The following WWOX variants were observed in gnomAD, a reference collection of about 807,000 sequenced individuals.
The protein encoded by WWOX is WW domain-containing oxidoreductase.
A neutral mutation model predicts 46.2 loss-of-function variants in WWOX; 69 were observed. The ratio of observed to expected loss-of-function variants is 1.49; its 90% CI spans 1.23 to 1.82. WWOX has a LOEUF of 1.82. Among genes scored for constraint, WWOX ranks in the 40% most tolerant of loss-of-function variants. The probability of loss-of-function intolerance (pLI) is 0.00; values close to 1 mark genes in which losing one functional copy is unlikely to be tolerated. For synonymous variants in WWOX, 359 were observed against 202.6 expected, an observed-to-expected ratio of 1.77 and a Z score of -6.56; for missense variants, 919 against 542.6, an observed-to-expected ratio of 1.69 and a Z score of -6.89.
chr16:79,105,839 G>A (rs1222233353), intron 8 of WWOX: 2 of 151,942 alleles, frequency 1.3e-5, no homozygotes, highest in African/African-American at 4.8e-5. Context: ...AATTTCTTTT[G>A]TGTTGCTATT....
At chr16:78,446,487 C>T (rs540946530) in intron 8 of WWOX, among the ~76,000 whole-genome samples, 3 of 151,958 alleles carry the variant, frequency 2.0e-5, no homozygotes, top group African/African-American at 7.3e-5. Context: ...CTGTCACATC[C>T]CAGGAACTCC....
chr16:78,104,907 A>G (rs2032044355), intron 1 of WWOX, among the ~76,000 whole-genome samples: 1 of 152,216 alleles, frequency 6.6e-6, no homozygotes, highest in African/African-American at 2.4e-5. Flanking sequence ...AAACTGAGGC[A>G]TGGGATTAAA....
At chr16:78,780,615 G>T (rs1369976718) in intron 8 of WWOX, among the ~76,000 whole-genome samples, 1 of 152,154 alleles carries the variant, frequency 6.6e-6, no homozygotes, top group East Asian at 1.9e-4. Context: ...GAAAGACAGG[G>T]AAGACCATTT....
At chr16:78,617,817 T>C (rs74029596) in intron 8 of WWOX, among the ~76,000 whole-genome samples, 2,637 of 152,340 alleles carry the variant, frequency 0.017, 64 homozygotes, top group African/African-American at 0.06. Flanking sequence ...CGTTAATGTT[T>C]ATTTGAATGA....
chr16:78,817,780 C>T (rs549105491), intron 8 of WWOX, among the ~76,000 whole-genome samples: 7 of 152,276 alleles, frequency 4.6e-5, no homozygotes, highest in African/African-American at 1.4e-4. Context: ...GCCTCCTCAC[C>T]CTCTGTCTTG....
At chr16:78,555,297 G>C (rs1011602852) in intron 8 of WWOX, among the ~76,000 whole-genome samples, 1 of 151,936 alleles carries the variant, frequency 6.6e-6, no homozygotes, top group Admixed American at 6.6e-5. Flanking sequence ...CAAACTGAAA[G>C]GGAAAGGTAC....
chr16:78,784,136 T>A (rs1485702405), intron 8 of WWOX, among the ~76,000 whole-genome samples: 2 of 152,198 alleles, frequency 1.3e-5, no homozygotes, highest in Admixed American at 6.5e-5. Flanking sequence ...CAAATTCTTA[T>A]AACAACCCTA....
At chr16:79,139,441 C>T (rs1293939310) in intron 8 of WWOX, among the ~76,000 whole-genome samples, 1 of 152,098 alleles carries the variant, frequency 6.6e-6, no homozygotes, top group Non-Finnish European at 1.5e-5. Context: ...CATCTAGTGC[C>T]AGAGAGCTGC....
At chr16:79,094,987 G>A (rs555360629) in intron 8 of WWOX, among the ~76,000 whole-genome samples, 16 of 152,068 alleles carry the variant, frequency 1.1e-4, no homozygotes, top group Admixed American at 5.2e-4. Context: ...CACACAGGAG[G>A]GGCGACATGG....
chr16:78,765,826 C>T (rs759776549), intron 8 of WWOX, among the ~76,000 whole-genome samples: 1 of 152,166 alleles, frequency 6.6e-6, no homozygotes, highest in Non-Finnish European at 1.5e-5. Flanking sequence ...TCTGTCCTGC[C>T]CTGGGATGGT....
chr16:78,561,579 C>T lies in WWOX; in HGVS notation c.1056+128827C>T, dbSNP rs539384949. On this transcript the variant is annotated intron_variant, in intron 8 of 8. Transcript: ENST00000566780. ...AATTTAGAATTTTATGTATCAAAGC[C>T]CCATTTTTTTTTGAATAACAGAAAA... Among the ~76,000 whole-genome samples the T allele has an allele frequency of 3.8e-4, 57 of 151,774 alleles. No homozygotes were observed. The South Asian group carries it at 0.012, about 31-fold the overall frequency.
chr16:78,151,644 C>G (rs530234928), intron 4 of WWOX, among the ~76,000 whole-genome samples: 1 of 152,188 alleles, frequency 6.6e-6, no homozygotes, highest in Admixed American at 6.5e-5. Flanking sequence ...CTTGATTGCT[C>G]TGTATTAAAA....
intron 8 of WWOX, among the ~76,000 whole-genome samples, chr16:78,610,045 G>C (rs1054958694): frequency 6.9e-6 from 1 of 145,704 alleles, no homozygotes; most frequent in Non-Finnish European, 1.5e-5. Context: ...CTGAATGTCC[G>C]ATTGCGATCT....
intron 8 of WWOX, among the ~76,000 whole-genome samples, chr16:79,165,787 T>C (rs1452161559): frequency 2.0e-5 from 3 of 152,228 alleles, no homozygotes; most frequent in African/African-American, 7.2e-5. Context: ...ACAGGCAGGC[T>C]TGGCTTCTCC....
In WWOX at chr16:78,312,739, A is replaced by G. The variant is rs965389421; in HGVS notation, c.517-74121A>G. 2.0e-5 allele frequency among the ~76,000 whole-genome samples: 3 copies of G among 152,186 alleles called. No individual in the cohort carries two copies. In the East Asian group the frequency reaches 5.8e-4, roughly 29 times the overall value. On this transcript the variant is annotated intron_variant, in intron 5 of 8. Transcript: ENST00000566780. ...ATTTCTCTGCATTGGAGGAAGCAAG[A>G]CTGAAGGTCGTCTGGCTTTATGGAC... is the stretch of plus-strand genomic sequence containing the variant.
intron 8 of WWOX, among the ~76,000 whole-genome samples, chr16:78,743,018 C>A (rs912628475): frequency 1.4e-5 from 2 of 145,406 alleles, no homozygotes; most frequent in Non-Finnish European, 2.9e-5. Context: ...CAGTCCCAAC[C>A]CTTACTGCAG....
chr16:79,080,498 C>G (rs961128413), intron 8 of WWOX, among the ~76,000 whole-genome samples: 4 of 152,204 alleles, frequency 2.6e-5, no homozygotes, highest in Admixed American at 2.6e-4. Flanking sequence ...TTATACTCCT[C>G]TTTGCACGTT....
At chr16:79,051,534 T>A (rs2048166941) in intron 8 of WWOX, among the ~76,000 whole-genome samples, 1 of 117,860 alleles carries the variant, frequency 8.5e-6, no homozygotes, top group Non-Finnish European at 1.6e-5. Context: ...CATGGCTGCC[T>A]GCAAGGGAGG....
At chr16:78,519,859 T>G (rs567468560) in intron 8 of WWOX, among the ~76,000 whole-genome samples, 1 of 152,198 alleles carries the variant, frequency 6.6e-6, no homozygotes, top group Middle Eastern at 3.2e-3. Flanking sequence ...GAAATAAATT[T>G]GTTACTCATA....
Sources: gnomAD v4.1 joint callset for allele counts (sites outside exome capture counted in the v4.1 genomes callset) on GRCh38, gnomAD v4.1.1 for gene constraint, MANE v1.5 for transcripts, NCBI Gene and HGNC (gene_info 2026-07-23, HGNC 2026-07-21) for gene names.